ATP6V0A1: variants seen among roughly 807,000 people sequenced by gnomAD.
ATP6V0A1 encodes the protein ATPase H+ transporting V0 subunit a1, also known as V-type proton ATPase 116 kDa subunit a 1.
A neutral mutation model predicts 105.4 loss-of-function variants in ATP6V0A1; 43 were observed. That is an observed-to-expected ratio of 0.41 (90% CI 0.32 to 0.53). The LOEUF (loss-of-function observed/expected upper bound fraction) is 0.53. Among genes scored for constraint, ATP6V0A1 ranks in the 20% least tolerant of loss-of-function variants. ATP6V0A1 has a pLI of 0.30. For missense variants in ATP6V0A1, 676 were observed against 1,051.1 expected, an observed-to-expected ratio of 0.64 and a Z score of 4.93; for synonymous variants, 362 against 372.8, an observed-to-expected ratio of 0.97 and a Z score of 0.33.
At chr17:42,519,543 G>T (rs1466328538) in intron 21 of ATP6V0A1, 1 of 152,238 alleles carries the variant, frequency 6.6e-6, no homozygotes, top group African/African-American at 2.4e-5. Context: ...TCAACATGAA[G>T]AATTCAAACC....
intron 4 of ATP6V0A1, 110 bp from the exon 5 acceptor site, chr17:42,469,980 G>A (rs1346462949): frequency 4.3e-6 from 5 of 1,152,026 alleles, no homozygotes; most frequent in African/African-American, 3.1e-5. Flanking sequence ...GCAAGTCCAA[G>A]TTCTCTTTGA....
intron 2 of ATP6V0A1, among the ~76,000 whole-genome samples, chr17:42,465,677 T>A (rs2086958913): frequency 6.6e-6 from 1 of 151,708 alleles, no homozygotes; most frequent in African/African-American, 2.4e-5. Context: ...GAAAATTACT[T>A]ATGGTGCCAG....
intron 9 of ATP6V0A1, among the ~76,000 whole-genome samples, chr17:42,485,531 T>TTTTC (rs2090017649): frequency 1.5e-5 from 2 of 135,804 alleles, no homozygotes; most frequent in African/African-American, 6.7e-5. Context: ...GTTTTTTGTG[T>TTTTC]TTTGTTTGTT....
chr17:42,498,206 A>G (rs2091363201), intron 14 of ATP6V0A1, among the ~76,000 whole-genome samples: 1 of 152,150 alleles, frequency 6.6e-6, no homozygotes, highest in Non-Finnish European at 1.5e-5. Flanking sequence ...ACTGCACTCC[A>G]TCCTGGGCAA....
intron 5 of ATP6V0A1, chr17:42,471,112 G>C (rs1393064692): frequency 6.8e-6 from 1 of 147,940 alleles, no homozygotes; most frequent in African/African-American, 2.5e-5. Flanking sequence ...GACAGAGTGA[G>C]ACTCTATCTC....
rs1332649860 is a variant in ATP6V0A1 at position 42,513,976 on chromosome 17, C to G, written c.2246C>G (p.Ala749Gly). The G allele has an allele frequency of 5.0e-6, 8 of 1,612,904 alleles. No individual in the cohort carries two copies. The South Asian group carries it at 7.7e-5, about 15-fold the overall frequency. Residue 749 changes from alanine (A) to glycine (G), a missense_variant and splice_region_variant, in exon 20 of 22, where the codon GCG becomes GGG. Coordinates refer to ENST00000343619, the MANE Select transcript of ATP6V0A1 (RefSeq NM_001130021.3). ...CTCTGGGCCCTCAGCCTCGCTCATG[C>G]GCGTGAGTACCTCTCTCCGGGCTCC... ...LRLWALSLAH[A>G]QLSEVLWTMV...
intron 9 of ATP6V0A1, among the ~76,000 whole-genome samples, 166 bp from the exon 10 acceptor site, chr17:42,486,989 C>T (rs2090169913): frequency 6.6e-6 from 1 of 152,178 alleles, no homozygotes; most frequent in Non-Finnish European, 1.5e-5. Flanking sequence ...GTAACTAGAA[C>T]TCTAATTTCT....
chr17:42,489,029 A>T (rs1254699894), intron 10 of ATP6V0A1, among the ~76,000 whole-genome samples: 1 of 147,660 alleles, frequency 6.8e-6, no homozygotes, highest in Non-Finnish European at 1.5e-5. Context: ...AAAAAAAAAA[A>T]GTGGGTCACC....
At chr17:42,488,697 G>A (rs1045901774) in intron 10 of ATP6V0A1, among the ~76,000 whole-genome samples, 14 of 152,048 alleles carry the variant, frequency 9.2e-5, no homozygotes, top group Admixed American at 7.2e-4. Context: ...TCCTGGGCTC[G>A]AGTGATCTGC....
At chr17:42,520,979 T>G (rs1342986380) in intron 21 of ATP6V0A1, 48 bp from the exon 22 acceptor site, 4 of 1,506,232 alleles carry the variant, frequency 2.7e-6, no homozygotes, top group Admixed American at 1.9e-5. Flanking sequence ...CCTAAAAAGC[T>G]TCACAAAGTT....
intron 17 of ATP6V0A1, among the ~76,000 whole-genome samples, chr17:42,507,082 A>G (rs905720241): frequency 2.0e-5 from 3 of 152,236 alleles, no homozygotes; most frequent in African/African-American, 4.8e-5. Flanking sequence ...ACTAGGGTAC[A>G]ATCACAATGT....
intron 20 of ATP6V0A1, 43 bp downstream of exon 20, chr17:42,514,021 CTG>C: frequency 6.4e-7 from 1 of 1,572,960 alleles, no homozygotes; most frequent in East Asian, 2.2e-5. Context: ...GTTTCCCCCT[CTG>C]TGGGCGCACT....
chr17:42,466,679 G>A (rs1317976218), intron 3 of ATP6V0A1, among the ~76,000 whole-genome samples, 172 bp downstream of exon 3: 1 of 152,148 alleles, frequency 6.6e-6, no homozygotes, highest in Non-Finnish European at 1.5e-5. Flanking sequence ...GTGGTCTTTG[G>A]GCTAAGTAGT....
At chr17:42,467,415 G>T (rs1375552447) in intron 3 of ATP6V0A1, among the ~76,000 whole-genome samples, 1 of 152,210 alleles carries the variant, frequency 6.6e-6, no homozygotes, top group African/African-American at 2.4e-5. Flanking sequence ...CTTATGGTTA[G>T]CTGATAAGTG....
At chr17:42,460,086 C>T (rs2086231067) in intron 1 of ATP6V0A1, 1 of 152,138 alleles carries the variant, frequency 6.6e-6, no homozygotes, top group Non-Finnish European at 1.5e-5. Context: ...TGAGATTTGA[C>T]AGATGGAAGA....
chr17:42,510,324 C>G (rs1371555191), intron 19 of ATP6V0A1: 1 of 152,302 alleles, frequency 6.6e-6, no homozygotes, highest in African/African-American at 2.4e-5. Flanking sequence ...CTTCAAAGAC[C>G]TCCCAAAGTG....
intron 21 of ATP6V0A1, among the ~76,000 whole-genome samples, chr17:42,516,220 C>G (rs2092617179): frequency 6.6e-6 from 1 of 152,240 alleles, no homozygotes; most frequent in East Asian, 1.9e-4. Context: ...ATTCCCCACT[C>G]CCCTTTATCT....
chr17:42,507,563 CAGA>C lies in ATP6V0A1; in HGVS notation c.2049_2051del (p.Glu685del). The C allele has an allele frequency of 6.2e-7, 1 of 1,613,690 alleles. No homozygotes were observed. Among genetic ancestry groups the C allele is most frequent in the African/African-American group, 1.3e-5 (1 of 74,930 alleles). ...GGGATCAGGGTGGGCAACGGACCGA[CAGA>C]GGAGGATGCTGAGATTATTCAGCAT... On this transcript the variant is annotated inframe_deletion, in exon 18 of 22. Coordinates refer to ENST00000343619, the MANE Select transcript of ATP6V0A1 (RefSeq NM_001130021.3).
At position 42,492,803 on chromosome 17, in the gene ATP6V0A1, G is replaced by A. The variant is rs142875255; in HGVS notation, c.1175-1531G>A. Among the ~76,000 whole-genome samples the A allele has an allele frequency of 3.2e-4, 49 of 150,954 alleles. 2 individuals are homozygous for A. In the East Asian group the frequency reaches 9.6e-3, roughly 29 times the overall value. ...GGACAAGGTGGAAGGATCACTTAAGGTCAGGAGTTCGAGACCAGCCTGGCC... is the reference window on the plus strand; with the variant it reads ...GGACAAGGTGGAAGGATCACTTAAGATCAGGAGTTCGAGACCAGCCTGGCC... On this transcript the variant is annotated intron_variant, in intron 11 of 21. Transcript: ENST00000343619.
Sources: allele counts gnomAD v4.1 joint callset (sites outside exome capture counted in the v4.1 genomes callset), GRCh38; gene constraint gnomAD v4.1.1; transcripts MANE v1.5; gene names NCBI Gene and HGNC (gene_info 2026-07-23, HGNC 2026-07-21).